Variants in GARRE1 observed in about 807,000 individuals in gnomAD.
GARRE1 encodes granule associated Rac and RHOG effector 1.
Under a neutral mutation model 103.2 loss-of-function variants are expected in GARRE1, and 49 were observed. That is an observed-to-expected ratio of 0.47 (90% CI 0.38 to 0.60). The LOEUF is 0.60. Ranked by LOEUF, GARRE1 falls within the 20% of genes least tolerant of loss-of-function variation. GARRE1 has a pLI of 0.00. For missense variants in GARRE1, 1,199 were observed against 1,370.5 expected (o/e 0.87, Z 1.98); for synonymous variants, 505 against 532.8 (o/e 0.95, Z 0.72).
At chr19:34,296,171 C>A in intron 1 of GARRE1, 4 of 335,280 alleles carry the variant, frequency 1.2e-5, no homozygotes, top group Non-Finnish European at 1.1e-5. Flanking sequence ...TTTCTTGCGT[C>A]AGTTTGTTTG....
At chr19:34,325,319 A>T (rs1436908899) in intron 3 of GARRE1, among the ~76,000 whole-genome samples, 1 of 152,164 alleles carries the variant, frequency 6.6e-6, no homozygotes, top group East Asian at 1.9e-4. Flanking sequence ...ATCAGTGAGC[A>T]GCCCACTTCC....
At chr19:34,335,516 G>A (rs998857536) in intron 8 of GARRE1, among the ~76,000 whole-genome samples, 1 of 152,154 alleles carries the variant, frequency 6.6e-6, no homozygotes, top group African/African-American at 2.4e-5. Context: ...CATACAAGTT[G>A]TATTTAAACC....
intron 2 of GARRE1, among the ~76,000 whole-genome samples, chr19:34,311,896 C>T (rs1303798646): frequency 6.6e-6 from 1 of 152,242 alleles, no homozygotes; most frequent in Non-Finnish European, 1.5e-5. Context: ...CAGGCATGAG[C>T]CACCACACCC....
chr19:34,337,322 G>T (rs2074165623), intron 8 of GARRE1, among the ~76,000 whole-genome samples: 1 of 152,170 alleles, frequency 6.6e-6, no homozygotes, highest in South Asian at 2.1e-4. Context: ...TATAAGAGAT[G>T]AGTTCAGACA....
At chr19:34,311,219 A>G (rs2074034802) in intron 2 of GARRE1, among the ~76,000 whole-genome samples, 2 of 152,060 alleles carry the variant, frequency 1.3e-5, no homozygotes, top group Non-Finnish European at 2.9e-5. Flanking sequence ...ATTTTTTCTT[A>G]GTAACAAACT....
chr19:34,322,348 T>G (rs2074093356), intron 3 of GARRE1, among the ~76,000 whole-genome samples: 1 of 151,832 alleles, frequency 6.6e-6, no homozygotes, highest in African/African-American at 2.4e-5. Context: ...ATTTTTGTAT[T>G]TTTAGTAGAG....
rs114283682 is a variant in GARRE1 at position 34,307,839 on chromosome 19, G to A, written c.495+6871G>A. On this transcript the variant is annotated intron_variant, in intron 2 of 13. Coordinates refer to ENST00000299505, the MANE Select transcript of GARRE1 (RefSeq NM_014686.5). Reference sequence around the variant, plus strand: ...ATTTTTTTTTTTTTTTAGAGATTAGGCCTTGCCATATTGCCCAGGCTAGCC... The same window carrying A: ...ATTTTTTTTTTTTTTTAGAGATTAGACCTTGCCATATTGCCCAGGCTAGCC... Among the ~76,000 whole-genome samples, 194 of 135,890 alleles carry A rather than the reference G, an allele frequency of 1.4e-3. 1 individual carries two copies. The highest frequency in any genetic ancestry group is 5.1e-3 in the African/African-American group (187 of 36,742). 89.1% of individuals were successfully genotyped at this position (135,890 alleles called of 152,430 possible).
intron 3 of GARRE1, among the ~76,000 whole-genome samples, chr19:34,320,727 CTTT>C (rs796776026): frequency 2.1e-5 from 3 of 143,290 alleles, no homozygotes; most frequent in Non-Finnish European, 1.5e-5. Context: ...TTTTCTTTTT[CTTT>C]TTTTTTTTTG....
At chr19:34,337,555 G>T (rs1424808229) in intron 8 of GARRE1, among the ~76,000 whole-genome samples, 1 of 152,186 alleles carries the variant, frequency 6.6e-6, no homozygotes, top group African/African-American at 2.4e-5. Flanking sequence ...CAGCATGGAA[G>T]GAGATGTGCT....
At chr19:34,298,756 G>A (rs527448235) in intron 1 of GARRE1, among the ~76,000 whole-genome samples, 1 of 152,218 alleles carries the variant, frequency 6.6e-6, no homozygotes, top group Non-Finnish European at 1.5e-5. Context: ...GTGACTTTCA[G>A]TGAAACGTAT....
chr19:34,275,711 G>GT, intron 1 of GARRE1, among the ~76,000 whole-genome samples: 1 of 152,246 alleles, frequency 6.6e-6, no homozygotes, highest in South Asian at 2.1e-4. Context: ...TTGTAGACAT[G>GT]TTTTTCATTT....
In GARRE1 at chr19:34,347,930, C is replaced by T; in HGVS notation, c.2575C>T (p.Gln859Ter). The change falls in exon 11 of 14, where the codon CAG (glutamine) becomes TAG (stop). Residue 859 changes from glutamine (Q) to a stop codon, truncating the protein, a stop_gained. Coordinates refer to ENST00000299505, the MANE Select transcript of GARRE1 (RefSeq NM_014686.5). LOFTEE classifies it high-confidence loss of function. Reference protein sequence around the residue: ...RYVAGVSQAMQQKRQAQHGRR... With the variant: ...RYVAGVSQAM ...TGTGGCAGGAGTGAGCCAGGCGATG[C>T]AGCAGAAGCGGCAGGCCCAGCACGG... is the stretch of plus-strand genomic sequence containing the variant. 2 of 1,593,592 alleles carry T rather than the reference C, an allele frequency of 1.3e-6. No homozygotes were observed. The highest frequency in any genetic ancestry group is 2.3e-5 in the East Asian group (1 of 43,128).
chr19:34,263,424 C>G (rs1042568150), intron 1 of GARRE1, among the ~76,000 whole-genome samples: 1 of 151,742 alleles, frequency 6.6e-6, no homozygotes, highest in Non-Finnish European at 1.5e-5. Flanking sequence ...TTTTTCTTTG[C>G]ATACCATTTT....
chr19:34,321,677 C>G (rs577895332), intron 3 of GARRE1, among the ~76,000 whole-genome samples: 2 of 152,074 alleles, frequency 1.3e-5, no homozygotes, highest in African/African-American at 4.8e-5. Context: ...AGGGTTTCAC[C>G]GTCTTGGCCA....
chr19:34,333,297 TC>T (rs1568309035), intron 7 of GARRE1, among the ~76,000 whole-genome samples: 1 of 152,148 alleles, frequency 6.6e-6, no homozygotes, highest in Admixed American at 6.5e-5. Flanking sequence ...TGCCTAAATC[TC>T]CCAAAGTGCT....
intron 1 of GARRE1, among the ~76,000 whole-genome samples, chr19:34,272,601 G>A (rs1470110210): frequency 1.3e-5 from 2 of 152,214 alleles, no homozygotes; most frequent in Non-Finnish European, 2.9e-5. Flanking sequence ...ATCATCAGCA[G>A]TGATACGGAG....
chr19:34,350,567 G>A (rs1282819834), intron 12 of GARRE1, among the ~76,000 whole-genome samples: 1 of 152,104 alleles, frequency 6.6e-6, no homozygotes, highest in Non-Finnish European at 1.5e-5. Context: ...CTTAGTGCTT[G>A]GAAACAGTAT....
chr19:34,322,277 T>A (rs1269509561), intron 3 of GARRE1, among the ~76,000 whole-genome samples: 1 of 152,056 alleles, frequency 6.6e-6, no homozygotes, highest in Non-Finnish European at 1.5e-5. Flanking sequence ...ATTCAAGCCA[T>A]TCTCCTGCCT....
In GARRE1 at chr19:34,339,868, T is replaced by G; in HGVS notation, c.1363T>G (p.Cys455Gly). 6.2e-7 allele frequency: 1 copy of G among 1,614,096 alleles called. No individual in the cohort carries two copies. The highest frequency in any genetic ancestry group is 8.5e-7 in the Non-Finnish European group (1 of 1,180,008). The change falls in exon 9 of 14, where the codon TGC (cysteine) becomes GGC (glycine). Residue 455 changes from cysteine (C) to glycine (G), a missense_variant and splice_region_variant. Cys to Gly is a radical substitution (Grantham distance 159). Transcript: ENST00000299505. Reference protein sequence around the residue: ...RIVVQVPSTWCLKEDPATMSL... With the variant: ...RIVVQVPSTWGLKEDPATMSL... The stretch of plus-strand genomic sequence containing the variant: ...TAATGCAGCCTAATCTATGCCTAGG[T>G]GCCTGAAAGAAGACCCTGCTACCAT...
Sources: gnomAD v4.1 joint callset for allele counts (sites outside exome capture counted in the v4.1 genomes callset) on GRCh38, gnomAD v4.1.1 for gene constraint, MANE v1.5 for transcripts, NCBI Gene and HGNC (gene_info 2026-07-23, HGNC 2026-07-21) for gene names.